CWC27: variants seen among roughly 807,000 people sequenced by gnomAD.
CWC27 encodes CWC27 spliceosome associated cyclophilin, also known as spliceosome-associated protein CWC27 homolog.
Under a neutral mutation model 63.6 loss-of-function variants are expected in CWC27, and 47 were observed. The observed-to-expected ratio is 0.74, with a 90% CI of 0.58 to 0.94. The LOEUF (loss-of-function observed/expected upper bound fraction) is 0.94, where lower values mean the gene tolerates loss of function less well. CWC27 is among the 40% of genes least tolerant of loss of function. The pLI, the probability that CWC27 is intolerant of heterozygous loss-of-function variation, is 0.00. For synonymous variants in CWC27, 175 were observed against 179.8 expected, an observed-to-expected ratio of 0.97 and a Z score of 0.22; for missense variants, 495 against 554.3, an observed-to-expected ratio of 0.89 and a Z score of 1.07.
At chr5:64,885,567 T>A in intron 11 of CWC27, 21 bp downstream of exon 11, 1 of 1,547,644 alleles carries the variant, frequency 6.5e-7, no homozygotes, top group Non-Finnish European at 8.8e-7. Flanking sequence ...TTATCACGCT[T>A]ATTTTTTCAC....
At chr5:64,909,880 T>G (rs1226135348) in intron 11 of CWC27, among the ~76,000 whole-genome samples, 1 of 152,184 alleles carries the variant, frequency 6.6e-6, no homozygotes, top group Admixed American at 6.5e-5. Context: ...ACCATCCTGC[T>G]TTAGCTCAGA....
In CWC27 at chr5:64,904,228, C is replaced by G. The variant is rs375783866; in HGVS notation, c.1042+18682C>G. Among the ~76,000 whole-genome samples the G allele has an allele frequency of 1.0e-3, 159 of 152,258 alleles. 1 individual carries two copies. The highest frequency in any genetic ancestry group is 3.7e-3 in the African/African-American group (153 of 41,550). ...TTTTCTTTAGGTCAGCACCCCACAC[C>G]TGGATACCAAAATTCTGTATTAGTT... On this transcript the variant is annotated intron_variant, in intron 11 of 13. Coordinates refer to ENST00000381070, the MANE Select transcript of CWC27 (RefSeq NM_005869.4).
chr5:64,993,498 AG>A (rs201388636), intron 13 of CWC27, among the ~76,000 whole-genome samples: 6,418 of 151,708 alleles, frequency 0.042, 302 homozygotes, highest in African/African-American at 0.11. Context: ...TTAAAAAAAA[AG>A]AAGTTCTTTA....
chr5:64,925,221 AG>A (rs1748083295), intron 11 of CWC27, among the ~76,000 whole-genome samples: 2 of 152,228 alleles, frequency 1.3e-5, no homozygotes, highest in South Asian at 4.1e-4. Flanking sequence ...CTGGGGCTAC[AG>A]GTAGAACTGA....
intron 10 of CWC27, among the ~76,000 whole-genome samples, chr5:64,840,902 G>C (rs1298061021): frequency 6.6e-6 from 1 of 152,118 alleles, no homozygotes; most frequent in Admixed American, 6.5e-5. Flanking sequence ...GCTTTGTAAG[G>C]GAGAATTGAC....
At chr5:64,818,372 T>A (rs1745103437) in intron 10 of CWC27, among the ~76,000 whole-genome samples, 1 of 152,204 alleles carries the variant, frequency 6.6e-6, no homozygotes, top group African/African-American at 2.4e-5. Flanking sequence ...TCCTGCCAAT[T>A]TCTTCTTCCT....
At chr5:64,844,479 C>T (rs1745922146) in intron 10 of CWC27, among the ~76,000 whole-genome samples, 1 of 152,180 alleles carries the variant, frequency 6.6e-6, no homozygotes, top group South Asian at 2.1e-4. Context: ...TCAGAGCCCA[C>T]CTCTGTGACC....
chr5:64,777,920 T>G (rs573653512), intron 2 of CWC27, among the ~76,000 whole-genome samples: 2 of 152,236 alleles, frequency 1.3e-5, no homozygotes, highest in South Asian at 4.1e-4. Flanking sequence ...TACAAAGTTA[T>G]AGTGTAGAGA....
intron 2 of CWC27, among the ~76,000 whole-genome samples, chr5:64,777,191 C>A (rs1420981435): frequency 6.6e-6 from 1 of 152,044 alleles, no homozygotes; most frequent in Non-Finnish European, 1.5e-5. Flanking sequence ...CTACTAATCT[C>A]TTCACCTTTA....
chr5:64,860,666 TTGAA>T (rs1439980205), intron 10 of CWC27, among the ~76,000 whole-genome samples: 1 of 152,230 alleles, frequency 6.6e-6, no homozygotes. Context: ...TATAAAATTT[TTGAA>T]TGAGTATTTT....
At chr5:65,017,597 A>G (rs767202705) in intron 13 of CWC27, among the ~76,000 whole-genome samples, 2 of 152,230 alleles carry the variant, frequency 1.3e-5, no homozygotes, top group African/African-American at 2.4e-5. Flanking sequence ...AGTTATGTCA[A>G]AAGTTTAGTT....
intron 10 of CWC27, among the ~76,000 whole-genome samples, chr5:64,874,675 G>A (rs150235772): frequency 7.9e-5 from 12 of 152,166 alleles, no homozygotes; most frequent in African/African-American, 2.9e-4. Flanking sequence ...CAGTAACTCA[G>A]AGTGTTCAAC....
chr5:64,915,538 A>T (rs1747873595), intron 11 of CWC27, among the ~76,000 whole-genome samples: 1 of 152,156 alleles, frequency 6.6e-6, no homozygotes, highest in Non-Finnish European at 1.5e-5. Context: ...AATGCATACA[A>T]GATTAAACAC....
At position 64,885,593 on chromosome 5, in the gene CWC27, C is replaced by G. The variant is rs766550343; in HGVS notation, c.1042+47C>G. ...ATTTTTTCACTTGATACTCCTCCTT[C>G]TCTGTTTTCTTAGCTCCTCCCTGCC... On this transcript the variant is annotated intron_variant, in intron 11 of 13. Coordinates refer to ENST00000381070, the MANE Select transcript of CWC27 (RefSeq NM_005869.4). The G allele has an allele frequency of 7.3e-5, 102 of 1,392,584 alleles. No homozygotes were observed. In the East Asian group the frequency reaches 9.6e-4, roughly 13 times the overall value. The allele number at this position is 1,392,584 out of a possible 1,614,324, so 86.3% of individuals were successfully genotyped here.
chr5:64,905,009 T>C (rs1747597337), intron 11 of CWC27, among the ~76,000 whole-genome samples: 1 of 152,068 alleles, frequency 6.6e-6, no homozygotes, highest in East Asian at 1.9e-4. Context: ...GAGGCCAGCC[T>C]GGCCAACATG....
Position 64,796,166 on chromosome 5 carries a change from T to G in CWC27, c.670-4082T>G, listed in dbSNP as rs1744259238. ...TAAAATATCTTTTTTAACTAATAAG[T>G]TTTTCTGGTTCTGTGCTGAAGGTCT... is the stretch of plus-strand genomic sequence containing the variant. On this transcript the variant is annotated intron_variant, in intron 7 of 13. Coordinates refer to ENST00000381070, the MANE Select transcript of CWC27 (RefSeq NM_005869.4). 2.0e-5 allele frequency among the ~76,000 whole-genome samples: 3 copies of G among 152,092 alleles called. No individual in the cohort carries two copies. In the South Asian group the frequency reaches 6.2e-4, roughly 32 times the overall value.
chr5:64,807,756 C>T (rs1329115140), intron 10 of CWC27: 1 of 1,535,948 alleles, frequency 6.5e-7, no homozygotes, highest in South Asian at 1.2e-5. Flanking sequence ...TTACTTCACA[C>T]TTCAAACTCA....
chr5:64,962,800 G>T (rs1295140428), intron 11 of CWC27, among the ~76,000 whole-genome samples: 1 of 152,142 alleles, frequency 6.6e-6, no homozygotes, highest in Non-Finnish European at 1.5e-5. Context: ...TTCCTATGGA[G>T]TGTGATGGAG....
chr5:65,005,936 A>G (rs1387712816), intron 13 of CWC27, among the ~76,000 whole-genome samples: 1 of 152,234 alleles, frequency 6.6e-6, no homozygotes, highest in African/African-American at 2.4e-5. Context: ...TTTATATTTT[A>G]AACAGTAGCC....
Sources: gnomAD v4.1 joint callset for allele counts (sites outside exome capture counted in the v4.1 genomes callset) on GRCh38, gnomAD v4.1.1 for gene constraint, MANE v1.5 for transcripts, NCBI Gene and HGNC (gene_info 2026-07-23, HGNC 2026-07-21) for gene names.